PRDM1: variants seen among roughly 807,000 people sequenced by gnomAD.
PRDM1 encodes the protein PR domain zinc finger protein 1.
In PRDM1, 13 loss-of-function variants were observed where a neutral mutation model predicts 62.8. The ratio of observed to expected loss-of-function variants is 0.21; its 90% CI spans 0.13 to 0.33. The LOEUF (loss-of-function observed/expected upper bound fraction) is 0.33. Among genes scored for constraint, PRDM1 ranks in the 10% least tolerant of loss-of-function variants. The probability of loss-of-function intolerance (pLI) is 1.00; values close to 1 mark genes in which losing one functional copy is unlikely to be tolerated. For synonymous variants in PRDM1, 396 were observed against 417.6 expected (o/e 0.95, Z 0.63); for missense variants, 895 against 1,058.8 (o/e 0.85, Z 2.15).
chr6:106,002,768 A>G (rs996156960), intron 1 of PRDM1, among the ~76,000 whole-genome samples: 15 of 152,158 alleles, frequency 9.9e-5, no homozygotes, highest in Non-Finnish European at 2.1e-4. Context: ...GATTGGCCCT[A>G]GATACTCTGT....
rs9480637 is a variant in PRDM1, at chr6:106,040,996, A to G, written c.-66-47205A>G. Among the ~76,000 whole-genome samples the G allele has an allele frequency of 7.5e-3, 1,143 of 152,148 alleles. 10 individuals carry two copies. The highest frequency in any genetic ancestry group is 0.026 in the African/African-American group (1,083 of 41,508). ...CTAATGGGCCTTAGTTTACTTTCCT[A>G]TTTTTTCCCCACTATAAACAACATG... On this transcript the variant is annotated intron_variant, in intron 1 of 6. Coordinates refer to the PRDM1 transcript ENST00000652320.
chr6:106,033,373 G>A (rs1266887113), intron 1 of PRDM1, among the ~76,000 whole-genome samples: 3 of 148,748 alleles, frequency 2.0e-5, no homozygotes, highest in African/African-American at 7.5e-5. Context: ...GGCTTGTCTC[G>A]AACTCCTGAC....
At chr6:106,006,431 G>C (rs557706820) in intron 1 of PRDM1, among the ~76,000 whole-genome samples, 4 of 148,518 alleles carry the variant, frequency 2.7e-5, no homozygotes, top group African/African-American at 9.7e-5. Context: ...TAATACATTA[G>C]TCTCGTGGGG....
chr6:106,013,774 A>G (rs1221059764), intron 1 of PRDM1, among the ~76,000 whole-genome samples: 4 of 152,176 alleles, frequency 2.6e-5, no homozygotes, highest in Non-Finnish European at 5.9e-5. Flanking sequence ...TTGGCTAGCC[A>G]CACTGTCCTC....
chr6:106,085,424 G>C (rs1434363176), upstream of PRDM1, among the ~76,000 whole-genome samples: 1 of 152,212 alleles, frequency 6.6e-6, no homozygotes, highest in Non-Finnish European at 1.5e-5. Flanking sequence ...GACCATTGAA[G>C]GAAGTAAAGC....
chr6:105,997,717 T>C (rs1192909772), intron 1 of PRDM1, among the ~76,000 whole-genome samples: 1 of 152,228 alleles, frequency 6.6e-6, no homozygotes, highest in African/African-American at 2.4e-5. Flanking sequence ...TTTTGAAACA[T>C]TTCTTTACCC....
intron 1 of PRDM1, among the ~76,000 whole-genome samples, chr6:106,018,285 A>C (rs1428809898): frequency 6.6e-6 from 1 of 152,246 alleles, no homozygotes; most frequent in African/African-American, 2.4e-5. Context: ...TAGTGTGTTA[A>C]GTAGACCATA....
chr6:106,089,618 G>T (rs1450186000), intron 2 of PRDM1, among the ~76,000 whole-genome samples: 1 of 152,120 alleles, frequency 6.6e-6, no homozygotes. Context: ...CGTGAATGGA[G>T]GCAGATTTTA....
At chr6:106,030,790 A>G (rs1175714945) in intron 1 of PRDM1, among the ~76,000 whole-genome samples, 1 of 152,172 alleles carries the variant, frequency 6.6e-6, no homozygotes, top group Non-Finnish European at 1.5e-5. Context: ...AAGACTTTCC[A>G]TTCCCCCATT....
chr6:106,002,156 G>C (rs1300402966), intron 1 of PRDM1, among the ~76,000 whole-genome samples: 1 of 151,946 alleles, frequency 6.6e-6, no homozygotes, highest in East Asian at 1.9e-4. Context: ...CATTTGAATT[G>C]AGATGTAGAG....
chr6:106,083,572 C>T (rs1172823059), upstream of PRDM1, among the ~76,000 whole-genome samples: 3 of 152,038 alleles, frequency 2.0e-5, no homozygotes, highest in Non-Finnish European at 2.9e-5. Context: ...TAGCTGAAAC[C>T]GAATTAAAAT....
intron 1 of PRDM1, among the ~76,000 whole-genome samples, chr6:106,016,360 T>C (rs1772619751): frequency 6.6e-6 from 1 of 152,120 alleles, no homozygotes; most frequent in Non-Finnish European, 1.5e-5. Context: ...TATTTACTTT[T>C]TAAAAATTTA....
At chr6:106,033,651 G>T (rs1772881103) in intron 1 of PRDM1, among the ~76,000 whole-genome samples, 2 of 152,054 alleles carry the variant, frequency 1.3e-5, no homozygotes, top group South Asian at 4.1e-4. Context: ...TCATTTGCTA[G>T]TATATAGATG....
intron 4 of PRDM1, 193 bp downstream of exon 4, chr6:106,099,745 A>C (rs1774214889): frequency 1.5e-6 from 1 of 670,642 alleles, no homozygotes; most frequent in African/African-American, 1.8e-5. Context: ...GATCATTTAA[A>C]AGTATATATA....
intron 1 of PRDM1, among the ~76,000 whole-genome samples, chr6:106,016,483 G>T (rs1046370310): frequency 6.6e-6 from 1 of 151,844 alleles, no homozygotes; most frequent in Non-Finnish European, 1.5e-5. Flanking sequence ...TAACAAGCAG[G>T]TGTTCAGTTG....
chr6:106,024,429 C>A (rs1192976168), intron 1 of PRDM1, among the ~76,000 whole-genome samples: 1 of 152,142 alleles, frequency 6.6e-6, no homozygotes, highest in African/African-American at 2.4e-5. Context: ...AAAATACTCT[C>A]GACACCTTAT....
intron 1 of PRDM1, among the ~76,000 whole-genome samples, chr6:106,050,664 G>A (rs1036762567): frequency 2.0e-5 from 3 of 152,208 alleles, no homozygotes; most frequent in African/African-American, 7.2e-5. Flanking sequence ...ACAGAAGGCT[G>A]TTTGGGGACT....
chr6:106,010,011 C>G (rs908364391), intron 1 of PRDM1, among the ~76,000 whole-genome samples: 14 of 152,154 alleles, frequency 9.2e-5, no homozygotes, highest in African/African-American at 3.4e-4. Context: ...AGCCACCATG[C>G]CTGGCCCTTC....
chr6:106,011,197 CGA>C (rs1005453082), intron 1 of PRDM1, among the ~76,000 whole-genome samples: 1 of 151,974 alleles, frequency 6.6e-6, no homozygotes, highest in African/African-American at 2.4e-5. Context: ...TAGATATTAC[CGA>C]AGATGTACCG....
Sources: allele counts gnomAD v4.1 joint callset (sites outside exome capture counted in the v4.1 genomes callset), GRCh38; gene constraint gnomAD v4.1.1; transcripts MANE v1.5; gene names NCBI Gene and HGNC (gene_info 2026-07-23, HGNC 2026-07-21).